The following MLLT10 variants were observed in gnomAD, a reference collection of about 807,000 sequenced individuals.
MLLT10 encodes the protein protein AF-10.
A neutral mutation model predicts 129.1 loss-of-function variants in MLLT10; 30 were observed. The observed-to-expected ratio is 0.23, with a 90% CI of 0.17 to 0.32. The LOEUF (loss-of-function observed/expected upper bound fraction) is 0.32, where lower values mean the gene tolerates loss of function less well. Among genes scored for constraint, MLLT10 ranks in the 10% least tolerant of loss-of-function variants. The probability of loss-of-function intolerance (pLI) is 1.00; values close to 1 mark genes in which losing one functional copy is unlikely to be tolerated. For synonymous variants in MLLT10, 490 were observed against 446.4 expected (o/e 1.10, Z -1.23); for missense variants, 1,119 against 1,268.3 (o/e 0.88, Z 1.79).
chr10:21,609,024 A>G (rs919819620), intron 5 of MLLT10, among the ~76,000 whole-genome samples: 5 of 151,862 alleles, frequency 3.3e-5, no homozygotes, highest in African/African-American at 1.2e-4. Context: ...TTGGTCATTT[A>G]TTTGTTTAAT....
chr10:21,682,364 A>C, intron 13 of MLLT10, 107 bp downstream of exon 13: 2 of 1,027,538 alleles, frequency 1.9e-6, no homozygotes, highest in Non-Finnish European at 2.8e-6. Context: ...GATGAAATCC[A>C]GTGCTGCAGT....
intron 14 of MLLT10, among the ~76,000 whole-genome samples, chr10:21,714,441 G>T (rs928129301): frequency 5.3e-5 from 8 of 152,202 alleles, no homozygotes. Flanking sequence ...AACAGTGTTT[G>T]TAAATAATGA....
At chr10:21,732,851 C>T (rs1462182465) in intron 17 of MLLT10, 48 bp from the exon 18 acceptor site, 2 of 1,510,858 alleles carry the variant, frequency 1.3e-6, no homozygotes, top group Non-Finnish European at 1.8e-6. Context: ...AATACTTAGT[C>T]TTATGTGTGT....
chr10:21,739,355 T>TC (rs1408753971), intron 21 of MLLT10, among the ~76,000 whole-genome samples: 1 of 152,130 alleles, frequency 6.6e-6, no homozygotes, highest in East Asian at 1.9e-4. Flanking sequence ...GCGAATTCCC[T>TC]CTTCTCCTCC....
chr10:21,636,510 T>G lies in MLLT10; in HGVS notation c.700-15163T>G, dbSNP rs575229002. On this transcript the variant is annotated intron_variant, in intron 8 of 22. Transcript: ENST00000307729. ...TCTTATTGTCAGACTGTATCATGTC[T>G]CAAAGCTGATCTATATTTTTTATGT... Among the ~76,000 whole-genome samples, 4 of 152,300 alleles carry G rather than the reference T, an allele frequency of 2.6e-5. No individual in the cohort carries two copies. In the East Asian group the frequency reaches 7.7e-4, roughly 29 times the overall value.
intron 3 of MLLT10, among the ~76,000 whole-genome samples, chr10:21,570,734 TTCTA>T (rs2040112300): frequency 2.0e-5 from 3 of 152,130 alleles, no homozygotes; most frequent in African/African-American, 7.2e-5. Context: ...TATTTGTTTC[TTCTA>T]GCCTTCTGAT....
At chr10:21,700,355 G>C (rs1359221081) in intron 13 of MLLT10, among the ~76,000 whole-genome samples, 1 of 152,064 alleles carries the variant, frequency 6.6e-6, no homozygotes, top group Non-Finnish European at 1.5e-5. Flanking sequence ...TTGGATGCCT[G>C]TTATTTCTGT....
chr10:21,689,366 A>G (rs573008382), intron 13 of MLLT10, among the ~76,000 whole-genome samples: 6 of 151,612 alleles, frequency 4.0e-5, no homozygotes, highest in Admixed American at 2.6e-4. Flanking sequence ...GGCCAGGGAA[A>G]ATTGCTTTCA....
At position 21,677,645 on chromosome 10, in the gene MLLT10, A is replaced by G. The variant is rs142697801; in HGVS notation, c.1622-3687A>G. On this transcript the variant is annotated intron_variant, in intron 11 of 22. Coordinates refer to ENST00000307729, the MANE Select transcript of MLLT10 (RefSeq NM_001195626.3). ...TCTGTACACATTCAGTACAGACTCA[A>G]TTTTTTCCTCCAAATATTTTCTATA... Among the ~76,000 whole-genome samples the G allele has an allele frequency of 3.3e-5, 5 of 152,278 alleles. No individual in the cohort carries two copies. In the South Asian group the frequency reaches 1.0e-3, roughly 32 times the overall value.
At chr10:21,625,714 G>T (rs1048663563) in intron 8 of MLLT10, 5 of 767,964 alleles carry the variant, frequency 6.5e-6, no homozygotes, top group Admixed American at 5.1e-5. Flanking sequence ...TCTGTTGTTT[G>T]CCACAGAAAT....
intron 11 of MLLT10, among the ~76,000 whole-genome samples, chr10:21,678,198 G>A (rs1354099087): frequency 6.6e-6 from 1 of 152,064 alleles, no homozygotes; most frequent in Non-Finnish European, 1.5e-5. Flanking sequence ...TCTGCCTCCC[G>A]AGTTAAAGCA....
chr10:21,583,964 G>T (rs1326611960), intron 3 of MLLT10, among the ~76,000 whole-genome samples: 6 of 152,106 alleles, frequency 3.9e-5, no homozygotes, highest in Admixed American at 6.5e-5. Context: ...CCGCCTCCTG[G>T]GTTCACGCCA....
rs775245430 is a variant in MLLT10 at position 21,713,908 on chromosome 10, C to T, written c.1836C>T (p.Pro612=). ...GHLQQVGALS[P]SAVSSAAPAV... is the part of the protein sequence containing the mutation. ...TGCAACAAGTAGGAGCGCTCTCTCC[C>T]TCAGCTGTGTCATCTGCAGCCCCTG... Residue 612 remains proline (P), a synonymous_variant, in exon 14 of 23, where the codon CCC becomes CCT. Transcript: ENST00000307729. The T allele has an allele frequency of 1.9e-5, 31 of 1,613,790 alleles. No homozygotes were observed. Among genetic ancestry groups the T allele is most frequent in the Non-Finnish European group, 2.5e-5 (29 of 1,179,920 alleles).
intron 8 of MLLT10, among the ~76,000 whole-genome samples, chr10:21,638,637 C>G (rs529664069): frequency 6.6e-6 from 1 of 152,046 alleles, no homozygotes; most frequent in African/African-American, 2.4e-5. Flanking sequence ...AGCCCAGGAG[C>G]GTGAGACCCC....
At chr10:21,732,182 A>G (rs1390417745) in intron 17 of MLLT10, among the ~76,000 whole-genome samples, 1 of 152,186 alleles carries the variant, frequency 6.6e-6, no homozygotes, top group Non-Finnish European at 1.5e-5. Flanking sequence ...ACAACTTTTT[A>G]GTATGTGACG....
chr10:21,567,120 C>T (rs888972980), intron 3 of MLLT10, among the ~76,000 whole-genome samples: 24 of 152,132 alleles, frequency 1.6e-4, no homozygotes, highest in African/African-American at 5.8e-4. Flanking sequence ...GCCTTGGTAT[C>T]TTTTTGGTAT....
chr10:21,737,360 G>A (rs1346239885), intron 21 of MLLT10, among the ~76,000 whole-genome samples: 1 of 152,282 alleles, frequency 6.6e-6, no homozygotes, highest in South Asian at 2.1e-4. Context: ...GGAAGCAGGA[G>A]GCAGATGTGG....
At chr10:21,642,088 C>T (rs771881250) in intron 8 of MLLT10, among the ~76,000 whole-genome samples, 18 of 152,168 alleles carry the variant, frequency 1.2e-4, no homozygotes, top group Admixed American at 9.2e-4. Flanking sequence ...CAGTGGCTCA[C>T]GCCTGTAATC....
chr10:21,726,681 C>CTTTTTTTTTTTTTTTTTTTTTTTT (rs35036202), intron 15 of MLLT10, among the ~76,000 whole-genome samples: 2 of 87,586 alleles, frequency 2.3e-5, no homozygotes, highest in Non-Finnish European at 4.2e-5. Context: ...TAGCAATGTC[C>CTTTTTTTTTTTTTTTTTTTTTTTT]TTTTTTTTTT....
Sources: gnomAD v4.1 joint callset for allele counts (sites outside exome capture counted in the v4.1 genomes callset) on GRCh38, gnomAD v4.1.1 for gene constraint, MANE v1.5 for transcripts, NCBI Gene and HGNC (gene_info 2026-07-23, HGNC 2026-07-21) for gene names.